The following CUX2 variants were observed in gnomAD, a reference collection of about 807,000 sequenced individuals.
The protein encoded by CUX2 is cut like homeobox 2.
A neutral mutation model predicts 144.8 loss-of-function variants in CUX2; 40 were observed. That is an observed-to-expected ratio of 0.28 (90% confidence interval 0.21 to 0.36). The LOEUF (loss-of-function observed/expected upper bound fraction) is 0.36, where lower values mean the gene tolerates loss of function less well. Among genes scored for constraint, CUX2 ranks in the 10% least tolerant of loss-of-function variants. The pLI, the probability that CUX2 is intolerant of heterozygous loss-of-function variation, is 1.00. For missense variants in CUX2, 1,615 were observed against 1,994.0 expected (o/e 0.81, Z 3.62); for synonymous variants, 827 against 875.6 (o/e 0.94, Z 0.98).
rs1885909445 is a variant in CUX2 at position 111,295,248 on chromosome 12, T to G, written c.561-85T>G. 2 of 1,220,540 alleles carry G rather than the reference T, an allele frequency of 1.6e-6. No individual in the cohort carries two copies. Among genetic ancestry groups the G allele is most frequent in the South Asian group, 2.7e-5 (2 of 75,020 alleles). 75.6% of individuals were successfully genotyped at this position (1,220,540 alleles called of 1,614,324 possible). A position where few individuals can be genotyped will look rare whatever the true frequency, so the allele number is the denominator to read the frequency against. ...CAGGTTACAGGGAGTGGGCAAGGGGTAGGAAGCAAGATGGGGCTCGACTCG... is the reference window on the plus strand; with the variant it reads ...CAGGTTACAGGGAGTGGGCAAGGGGGAGGAAGCAAGATGGGGCTCGACTCG... On this transcript the variant is annotated intron_variant, in intron 6 of 21. Coordinates refer to ENST00000261726, the MANE Select transcript of CUX2 (RefSeq NM_015267.4). The surrounding 1 kb of genome is among the most constrained non-coding windows in gnomAD (Gnocchi z 5.0).
At chr12:111,272,868 C>G (rs1335610860) in intron 4 of CUX2, among the ~76,000 whole-genome samples, 2 of 152,220 alleles carry the variant, frequency 1.3e-5, no homozygotes, top group Non-Finnish European at 2.9e-5. Context: ...CCTGGCTAAA[C>G]TTTGCTCCTC....
chr12:111,188,567 C>T lies in CUX2; in HGVS notation c.64-25633C>T, dbSNP rs190164560. Among the ~76,000 whole-genome samples the T allele has an allele frequency of 2.3e-3, 357 of 152,182 alleles. 1 individual carries two copies. Among genetic ancestry groups the T allele is most frequent in the African/African-American group, 8.2e-3 (339 of 41,508 alleles). On this transcript the variant is annotated intron_variant, in intron 1 of 21. Coordinates refer to ENST00000261726, the MANE Select transcript of CUX2 (RefSeq NM_015267.4). ...GGAGAAAGAGGTCCAGGCATGGGAACAGCAGGTGCAAAGGTCCTGAGGTAG... is the reference window on the plus strand; with the variant it reads ...GGAGAAAGAGGTCCAGGCATGGGAATAGCAGGTGCAAAGGTCCTGAGGTAG...
At chr12:111,157,480 A>G (rs889225806) in intron 1 of CUX2, among the ~76,000 whole-genome samples, 4 of 149,566 alleles carry the variant, frequency 2.7e-5, no homozygotes, top group Admixed American at 2.7e-4. Flanking sequence ...TTACAGCTTT[A>G]AAAAAAAAAT....
At chr12:111,203,755 G>A (rs1880754581) in intron 1 of CUX2, among the ~76,000 whole-genome samples, 2 of 152,056 alleles carry the variant, frequency 1.3e-5, no homozygotes, top group Admixed American at 6.5e-5. Context: ...CGCCAAGTGG[G>A]GAAGGGGCTG....
Position 111,307,384 on chromosome 12 carries a change from A to C in CUX2, c.1109+127A>C. On this transcript the variant is annotated intron_variant, in intron 12 of 21. Transcript: ENST00000261726. This position sits in a 1 kb window ranked among gnomAD's most constrained non-coding sequence, Gnocchi z 4.1. Reference sequence around the variant, plus strand: ...GTTCTTCTCTCCACTAACACTGTGGATATCAAACCTTAACCATCCTCAGGC... The same window carrying C: ...GTTCTTCTCTCCACTAACACTGTGGCTATCAAACCTTAACCATCCTCAGGC... 1 of 832,806 alleles carries C rather than the reference A, an allele frequency of 1.2e-6. No homozygotes were observed. Among genetic ancestry groups the C allele is most frequent in the Non-Finnish European group, 1.9e-6 (1 of 532,474 alleles). 51.6% of individuals were successfully genotyped at this position (832,806 alleles called of 1,614,324 possible). A position where few individuals can be genotyped will look rare whatever the true frequency, so the allele number is the denominator to read the frequency against.
In CUX2 at chr12:111,146,028, C is replaced by CT. The variant is rs1234672206; in HGVS notation, c.64-68169dup. Among the ~76,000 whole-genome samples, 12 of 152,266 alleles carry CT rather than the reference C, an allele frequency of 7.9e-5. No individual in the cohort carries two copies. In the East Asian group the frequency reaches 2.3e-3, roughly 29 times the overall value. ...CCCTGGCTATTTATTTTTAAACAAA[C>CT]TTTGTATTTAGAGAAGTTTTAAGTT... On this transcript the variant is annotated intron_variant, in intron 1 of 21. Transcript: ENST00000261726.
At chr12:111,325,236 A>C (rs957052222) in intron 18 of CUX2, among the ~76,000 whole-genome samples, 1 of 151,556 alleles carries the variant, frequency 6.6e-6, no homozygotes, top group Non-Finnish European at 1.5e-5. Flanking sequence ...GGAGCTTGCA[A>C]TGAGCCGAGA....
intron 1 of CUX2, among the ~76,000 whole-genome samples, chr12:111,062,201 G>A (rs560446062): frequency 2.0e-5 from 3 of 152,224 alleles, no homozygotes; most frequent in African/African-American, 2.4e-5. Context: ...TTTTCTGCCT[G>A]TGTGGCATGC....
chr12:111,288,664 TA>T (rs1215549051), intron 4 of CUX2, among the ~76,000 whole-genome samples: 1 of 151,442 alleles, frequency 6.6e-6, no homozygotes, highest in Non-Finnish European at 1.5e-5. Flanking sequence ...CCAACTCTAT[TA>T]AAAATACAGA....
intron 1 of CUX2, among the ~76,000 whole-genome samples, chr12:111,091,147 C>T (rs575106658): frequency 6.6e-6 from 1 of 152,206 alleles, no homozygotes; most frequent in Admixed American, 6.5e-5. Context: ...GGGTCACTCA[C>T]TGGACTCACC....
chr12:111,093,441 T>C (rs1319013175), intron 1 of CUX2, among the ~76,000 whole-genome samples: 2 of 151,950 alleles, frequency 1.3e-5, no homozygotes, highest in African/African-American at 4.8e-5. Flanking sequence ...AGTGCGTGTT[T>C]GCAACAAATA....
chr12:111,090,516 C>T (rs1345274399), intron 1 of CUX2, among the ~76,000 whole-genome samples: 2 of 152,186 alleles, frequency 1.3e-5, no homozygotes, highest in Non-Finnish European at 2.9e-5. Context: ...CCACCTGCCT[C>T]AGCCTCCCAA....
intron 21 of CUX2, among the ~76,000 whole-genome samples, chr12:111,346,248 G>T (rs1368470690): frequency 6.6e-6 from 1 of 151,798 alleles, no homozygotes; most frequent in Non-Finnish European, 1.5e-5. Flanking sequence ...GGCCGAGGCT[G>T]GTGGATTGCT....
At position 111,039,524 on chromosome 12, in the gene CUX2, G is replaced by C. The variant is rs1368584171; in HGVS notation, c.63+5284G>C. ...AGGTGAAGGATGCTGACACCTTTGT[G>C]GGTCACTTAAATGCATTGTCTTCTT... On this transcript the variant is annotated intron_variant, in intron 1 of 21. Coordinates refer to ENST00000261726, the MANE Select transcript of CUX2 (RefSeq NM_015267.4). The surrounding 1 kb of genome is among the most constrained non-coding windows in gnomAD (Gnocchi z 4.2). Among the ~76,000 whole-genome samples the C allele has an allele frequency of 6.6e-6, 1 of 152,112 alleles. No individual in the cohort carries two copies. The highest frequency in any genetic ancestry group is 2.4e-5 in the African/African-American group (1 of 41,402).
At chr12:111,177,427 T>C (rs966556848) in intron 1 of CUX2, among the ~76,000 whole-genome samples, 9 of 152,038 alleles carry the variant, frequency 5.9e-5, no homozygotes, top group East Asian at 1.9e-4. Context: ...GTCTCACTCT[T>C]TCACCCAGGC....
At position 111,132,557 on chromosome 12, in the gene CUX2, C is replaced by CTTTTTTTT. The variant is rs1182564665; in HGVS notation, c.64-81623_64-81616dup. The stretch of plus-strand genomic sequence containing the variant: ...TTTCTGAATTTTTATGCTCTGTTTC[C>CTTTTTTTT]TTTTTTTTTTTTTTTTTTTTTTTTT... On this transcript the variant is annotated intron_variant, in intron 1 of 21. Transcript: ENST00000261726. Among the ~76,000 whole-genome samples, 6 of 97,158 alleles carry CTTTTTTTT rather than the reference C, an allele frequency of 6.2e-5. 1 individual carries two copies. In the East Asian group the frequency reaches 1.1e-3, roughly 18 times the overall value. The allele number at this position is 97,158 out of a possible 152,430, so 63.7% of individuals were successfully genotyped here. A position where few individuals can be genotyped will look rare whatever the true frequency, so the allele number is the denominator to read the frequency against.
intron 1 of CUX2, among the ~76,000 whole-genome samples, chr12:111,112,187 A>T (rs950153584): frequency 6.6e-5 from 10 of 152,026 alleles, no homozygotes; most frequent in African/African-American, 2.2e-4. Context: ...GTCAACGGGG[A>T]GGTGAGCAGG....
chr12:111,307,020 C>T lies in CUX2; in HGVS notation c.958C>T (p.Leu320Phe), dbSNP rs746857752. ...GCGGCTGCTGAAGGACGTGCAGCACCTCCAGAGCTCACTGCAGGAGCTGGA... is the reference window on the plus strand; with the variant it reads ...GCGGCTGCTGAAGGACGTGCAGCACTTCCAGAGCTCACTGCAGGAGCTGGA... ...ILRLLKDVQH[L>F]QSSLQELEEA... The change falls in exon 11 of 22, where the codon CTC becomes TTC. Residue 320 changes from leucine (L) to phenylalanine (F), a missense_variant. By Grantham distance (22) the Leu-to-Phe change is conservative (BLOSUM62 0). Coordinates refer to ENST00000261726, the MANE Select transcript of CUX2 (RefSeq NM_015267.4). The surrounding 1 kb of genome is among the most constrained non-coding windows in gnomAD (Gnocchi z 4.1). 2.5e-6 allele frequency: 4 copies of T among 1,613,888 alleles called. No homozygotes were observed. The highest frequency in any genetic ancestry group is 3.4e-6 in the Non-Finnish European group (4 of 1,179,988).
chr12:111,342,049 T>C lies in CUX2; in HGVS notation c.3655T>C (p.Tyr1219His), dbSNP rs1888600027. 6.2e-7 allele frequency: 1 copy of C among 1,611,756 alleles called. No individual in the cohort carries two copies. The highest frequency in any genetic ancestry group is 1.3e-5 in the African/African-American group (1 of 74,888). Residue 1219 changes from tyrosine to histidine, a missense_variant, in exon 21 of 22, where the codon TAC becomes CAC. Around this residue, in one of 12 missense-constraint regions of CUX2, gnomAD observed 131 missense variants for 223.1 expected, o/e 0.59. Transcript: ENST00000261726. ...TNTVINWFHN[Y>H]RSRMRREMLV... ...CACCGTCATCAACTGGTTCCACAAC[T>C]ACAGGTGGGACTATGGGGGCGTACC...
Sources: allele counts gnomAD v4.1 joint callset (sites outside exome capture counted in the v4.1 genomes callset), GRCh38; gene constraint gnomAD v4.1.1; regional missense constraint gnomAD v4.1.1; non-coding constraint Gnocchi (gnomAD v3.1); transcripts MANE v1.5; gene names NCBI Gene and HGNC (gene_info 2026-07-23, HGNC 2026-07-21).